The following CFAP58 variants were observed in gnomAD, a reference collection of about 807,000 sequenced individuals.
CFAP58 encodes the protein cilia and flagella associated protein 58, also known as cilia- and flagella-associated protein 58.
Under a neutral mutation model 119.5 loss-of-function variants are expected in CFAP58, and 88 were observed. The observed-to-expected ratio is 0.74, with a 90% CI of 0.62 to 0.88. The LOEUF is 0.88. Ranked by LOEUF, CFAP58 falls within the 40% of genes least tolerant of loss-of-function variation. CFAP58 has a pLI of 0.00. For synonymous variants in CFAP58, 365 were observed against 366.3 expected (o/e 1.00, Z 0.04); for missense variants, 990 against 1,021.2 (o/e 0.97, Z 0.42).
intron 17 of CFAP58, among the ~76,000 whole-genome samples, chr10:104,453,761 AGTGTGTGTGT>A (rs56666132): frequency 2.2e-5 from 3 of 138,932 alleles, no homozygotes; most frequent in Non-Finnish European, 3.1e-5. Flanking sequence ...CATGAATATG[AGTGTGTGTGT>A]GTGTGTGTGT....
intron 15 of CFAP58, among the ~76,000 whole-genome samples, chr10:104,416,032 A>G (rs2012546541): frequency 6.6e-6 from 1 of 152,184 alleles, no homozygotes; most frequent in Non-Finnish European, 1.5e-5. Flanking sequence ...GGGTGAAATG[A>G]TGCGTGCTGT....
intron 15 of CFAP58, among the ~76,000 whole-genome samples, chr10:104,410,299 G>A (rs933427639): frequency 1.3e-5 from 2 of 152,150 alleles, no homozygotes; most frequent in Non-Finnish European, 2.9e-5. Flanking sequence ...TTATGTTATA[G>A]AGTCAATTTG....
Position 104,454,475 on chromosome 10 carries a change from G to A in CFAP58, c.2564G>A (p.Gly855Asp), listed in dbSNP as rs868397590. 1 of 1,613,742 alleles carries A rather than the reference G, an allele frequency of 6.2e-7. No homozygotes were observed. Among genetic ancestry groups the A allele is most frequent in the African/African-American group, 1.3e-5 (1 of 74,876 alleles). Residue 855 changes from glycine (G) to aspartate (D), a missense_variant, in exon 18 of 18, where the codon GGT (glycine) becomes GAT (aspartate). Coordinates refer to ENST00000369704, the MANE Select transcript of CFAP58 (RefSeq NM_001008723.2). ...DNTFLMVKPNGPGFTGGGFPL... is the reference protein window; with the variant it reads ...DNTFLMVKPNDPGFTGGGFPL... ...ACCTTCTTAATGGTCAAACCAAATG[G>A]TCCTGGTTTTACTGGGGGCGGATTT...
chr10:104,377,001 G>A, intron 8 of CFAP58, 108 bp downstream of exon 8: 6 of 770,320 alleles, frequency 7.8e-6, no homozygotes. Flanking sequence ...AAACAAAAGT[G>A]GATTAGAATA....
intron 15 of CFAP58, among the ~76,000 whole-genome samples, chr10:104,440,403 C>A (rs116672593): frequency 6.6e-6 from 1 of 152,210 alleles, no homozygotes; most frequent in African/African-American, 2.4e-5. Context: ...CCTGTGTTCC[C>A]GGTAATCTGA....
chr10:104,402,851 G>A (rs1312219526), intron 13 of CFAP58, among the ~76,000 whole-genome samples: 4 of 152,158 alleles, frequency 2.6e-5, no homozygotes, highest in African/African-American at 9.7e-5. Context: ...TTGGGTCCAG[G>A]AGAAGAGGTA....
intron 7 of CFAP58, among the ~76,000 whole-genome samples, chr10:104,373,227 G>A (rs1304012369): frequency 6.6e-6 from 1 of 151,984 alleles, no homozygotes; most frequent in Non-Finnish European, 1.5e-5. Context: ...GGGATATAAA[G>A]GAAGACTTGA....
At chr10:104,381,981 A>G in intron 9 of CFAP58, 1 of 617,984 alleles carries the variant, frequency 1.6e-6, no homozygotes, top group Non-Finnish European at 3.0e-6. Context: ...TTGGACTCGC[A>G]CGTTAGCTTC....
At position 104,403,829 on chromosome 10, in the gene CFAP58, A is replaced by C. The variant is rs1386871300; in HGVS notation, c.2140A>C (p.Arg714=). 13 of 1,606,778 alleles carry C rather than the reference A, an allele frequency of 8.1e-6. No homozygotes were observed. The highest frequency in any genetic ancestry group is 1.0e-5 in the Non-Finnish European group (12 of 1,175,092). Residue 714 remains arginine (R), a synonymous_variant, in exon 14 of 18, where the codon AGG becomes CGG. Coordinates refer to ENST00000369704, the MANE Select transcript of CFAP58 (RefSeq NM_001008723.2). ...GAATCCCCTGAATGTGCACAGATGG[A>C]GGAAGCTCGAGGTAACATCTGGCAG... ...LENPLNVHRW[R]KLEASDPNAY... is the part of the protein sequence containing the mutation.
chr10:104,364,179 T>C (rs1382125706), intron 3 of CFAP58, among the ~76,000 whole-genome samples: 1 of 152,222 alleles, frequency 6.6e-6, no homozygotes, highest in Non-Finnish European at 1.5e-5. Flanking sequence ...TTTTGTTCTG[T>C]TTATGCTTTA....
chr10:104,416,093 T>C (rs2012548392), intron 15 of CFAP58, among the ~76,000 whole-genome samples: 1 of 152,152 alleles, frequency 6.6e-6, no homozygotes. Flanking sequence ...CCTAGACTGA[T>C]AGAACTGGAT....
chr10:104,438,276 C>T (rs1259060686), intron 15 of CFAP58, among the ~76,000 whole-genome samples: 1 of 151,066 alleles, frequency 6.6e-6, no homozygotes, highest in Non-Finnish European at 1.5e-5. Context: ...TTAGGAATGC[C>T]TAACAACACT....
chr10:104,362,196 T>C (rs746817718), intron 3 of CFAP58, 25 bp downstream of exon 3: 40 of 1,584,630 alleles, frequency 2.5e-5, no homozygotes, highest in Non-Finnish European at 3.2e-5. Flanking sequence ...TGTTGATGTA[T>C]GTTAAACTTG....
intron 15 of CFAP58, among the ~76,000 whole-genome samples, chr10:104,440,363 A>G (rs1257751438): frequency 6.6e-6 from 1 of 152,122 alleles, no homozygotes; most frequent in Non-Finnish European, 1.5e-5. Context: ...AAACCACATG[A>G]ATGTGATTTG....
intron 9 of CFAP58, among the ~76,000 whole-genome samples, chr10:104,381,150 A>AAAACAAAC (rs112632567): frequency 6.6e-5 from 10 of 152,152 alleles, no homozygotes; most frequent in South Asian, 4.1e-4. Context: ...ATCCTGTCTC[A>AAAACAAAC]AAACAAACAA....
intron 14 of CFAP58, 111 bp from the exon 15 acceptor site, chr10:104,406,578 G>A (rs1179419986): frequency 1.3e-6 from 1 of 780,940 alleles, no homozygotes; most frequent in Non-Finnish European, 2.2e-6. Context: ...CTCTGTATTA[G>A]GTCTGCAGGT....
Position 104,398,997 on chromosome 10 carries a change from C to T in CFAP58, c.1675-363C>T, listed in dbSNP as rs113313444. On this transcript the variant is annotated intron_variant, in intron 11 of 17. Transcript: ENST00000369704. ...GAGGCCTCCCCTGTCCTCACCCCCA[C>T]ATCCTGCTCTGCACTATTCTTTGTG... Among the ~76,000 whole-genome samples the T allele has an allele frequency of 5.3e-4, 80 of 152,300 alleles. 1 individual carries two copies. Among genetic ancestry groups the T allele is most frequent in the Non-Finnish European group, 8.5e-4 (58 of 68,018 alleles).
intron 15 of CFAP58, among the ~76,000 whole-genome samples, chr10:104,409,684 G>T (rs1236650982): frequency 6.6e-6 from 1 of 151,966 alleles, no homozygotes; most frequent in African/African-American, 2.4e-5. Flanking sequence ...CTTCCTGCTT[G>T]AATTGCTCCT....
At chr10:104,407,372 A>G (rs1448436037) in intron 15 of CFAP58, among the ~76,000 whole-genome samples, 2 of 152,078 alleles carry the variant, frequency 1.3e-5, no homozygotes, top group Non-Finnish European at 2.9e-5. Flanking sequence ...GGCTTTACCT[A>G]CTTGGTCCCA....
Sources: gnomAD v4.1 joint callset for allele counts (sites outside exome capture counted in the v4.1 genomes callset) on GRCh38, gnomAD v4.1.1 for gene constraint, MANE v1.5 for transcripts, NCBI Gene and HGNC (gene_info 2026-07-23, HGNC 2026-07-21) for gene names.